SYNE2: variants seen among roughly 807,000 people sequenced by gnomAD.
SYNE2 encodes the protein nesprin-2.
A neutral mutation model predicts 856.3 loss-of-function variants in SYNE2; 431 were observed. The observed-to-expected ratio is 0.50, with a 90% confidence interval of 0.47 to 0.55. The LOEUF (loss-of-function observed/expected upper bound fraction) is 0.55. Ranked by LOEUF, SYNE2 falls within the 20% of genes least tolerant of loss-of-function variation. The pLI, the probability that SYNE2 is intolerant of heterozygous loss-of-function variation, is 0.00. For missense variants in SYNE2, 8,129 were observed against 8,023.2 expected, an observed-to-expected ratio of 1.01 and a Z score of -0.50; for synonymous variants, 2,923 against 2,872.3, an observed-to-expected ratio of 1.02 and a Z score of -0.56.
rs569031414 is a variant in SYNE2, at chr14:63,892,710, T to G, written c.-51-16388T>G. Among the ~76,000 whole-genome samples, 222 of 147,884 alleles carry G rather than the reference T, an allele frequency of 1.5e-3. 1 individual carries two copies. In the Middle Eastern group the frequency reaches 0.021, roughly 14 times the overall value. ...TTTTTATTTGTGTGTGTGTAAAAAATAAATCCTTGGTGTACTTTCTTTTTT... is the reference window on the plus strand; with the variant it reads ...TTTTTATTTGTGTGTGTGTAAAAAAGAAATCCTTGGTGTACTTTCTTTTTT... On this transcript the variant is annotated intron_variant, in intron 1 of 115. Transcript: ENST00000555002.
At chr14:64,059,201 A>G (rs2097297095) in intron 49 of SYNE2, among the ~76,000 whole-genome samples, 1 of 152,082 alleles carries the variant, frequency 6.6e-6, no homozygotes, top group Non-Finnish European at 1.5e-5. Context: ...TCATGTTTTC[A>G]TGGATGGTCT....
At chr14:63,981,253 T>C (rs1053814053) in intron 16 of SYNE2, 80 bp downstream of exon 16, 4 of 1,274,856 alleles carry the variant, frequency 3.1e-6, no homozygotes, top group African/African-American at 2.9e-5. Flanking sequence ...AATCCAAAGA[T>C]GAGAAAACAG....
rs763503726 is a variant in SYNE2 at position 63,954,755 on chromosome 14, T to C, written c.627T>C (p.Ser209=). 6.8e-6 allele frequency: 11 copies of C among 1,614,064 alleles called. No individual in the cohort carries two copies. Among genetic ancestry groups the C allele is most frequent in the Non-Finnish European group, 8.5e-6 (10 of 1,179,988 alleles). The change falls in exon 8 of 116, where the codon AGT becomes AGC. Residue 209 remains serine (S), a synonymous_variant. Transcript: ENST00000555002. ...ESVNVTDFKS[S]WRNGMAFLAI... is the part of the protein sequence containing the mutation. ...TCAATGTGACCGATTTTAAGTCAAG[T>C]TGGAGAAATGGGATGGCTTTTTTGG...
chr14:64,048,026 A>G lies in SYNE2; in HGVS notation c.7248A>G (p.Ser2416=), dbSNP rs1440802099. 3.1e-6 allele frequency: 5 copies of G among 1,613,844 alleles called. No homozygotes were observed. The Admixed American group carries it at 8.3e-5, about 27-fold the overall frequency. The change falls in exon 46 of 116, where the codon TCA becomes TCG. Residue 2416 remains serine (S), a synonymous_variant. Coordinates refer to ENST00000555002, the MANE Select transcript of SYNE2 (RefSeq NM_182914.3). Reference sequence around the variant, plus strand: ...ATTCAGCTGTGGAAATGGCTATGTCAAAACAACTTTCTCTTAATGCTCAAG... The same window carrying G: ...ATTCAGCTGTGGAAATGGCTATGTCGAAACAACTTTCTCTTAATGCTCAAG... ...NKDSAVEMAM[S]KQLSLNAQES... is the part of the protein sequence containing the mutation.
intron 11 of SYNE2, among the ~76,000 whole-genome samples, chr14:63,972,265 T>G (rs2096485421): frequency 6.6e-6 from 1 of 152,222 alleles, no homozygotes; most frequent in Admixed American, 6.5e-5. Context: ...ATTGTCTATA[T>G]AGCTCAGGCT....
At chr14:64,183,986 GGGGAGA>G (rs2098475555) in intron 96 of SYNE2, among the ~76,000 whole-genome samples, 1 of 146,206 alleles carries the variant, frequency 6.8e-6, no homozygotes, top group Non-Finnish European at 1.5e-5. Context: ...GGGAGGGGAG[GGGGAGA>G]GGGAGAGGGA....
intron 99 of SYNE2, among the ~76,000 whole-genome samples, chr14:64,193,340 G>A (rs117954149): frequency 0.052 from 7,896 of 152,168 alleles, 281 homozygotes; most frequent in Non-Finnish European, 0.072. Context: ...ACCTGCAGTC[G>A]GGAGTTTGAG....
At chr14:64,100,271 A>G (rs973133663) in intron 63 of SYNE2, 1 of 151,838 alleles carries the variant, frequency 6.6e-6, no homozygotes. Flanking sequence ...ATAGGTGGGA[A>G]TTGAACAATG....
At chr14:63,815,243 T>G (rs149003319) in intron 1 of SYNE2, among the ~76,000 whole-genome samples, 4,820 of 139,152 alleles carry the variant, frequency 0.035, 587 homozygotes, top group East Asian at 0.24. Context: ...TATATATGGA[T>G]ATATATATAT....
chr14:63,875,321 C>T (rs2094690027), intron 1 of SYNE2, among the ~76,000 whole-genome samples: 2 of 152,148 alleles, frequency 1.3e-5, no homozygotes, highest in South Asian at 4.1e-4. Flanking sequence ...AGATAAAAAT[C>T]AAAGACCAGA....
chr14:63,779,714 C>T (rs934423517), intron 1 of SYNE2, among the ~76,000 whole-genome samples: 1 of 152,102 alleles, frequency 6.6e-6, no homozygotes, highest in Non-Finnish European at 1.5e-5. Context: ...GAGTTCGAGA[C>T]CAACCTGGCC....
chr14:64,213,795 T>C (rs2098653501), intron 105 of SYNE2, among the ~76,000 whole-genome samples: 1 of 152,206 alleles, frequency 6.6e-6, no homozygotes, highest in African/African-American at 2.4e-5. Flanking sequence ...CTGGTGCATC[T>C]GGTTGAAGTT....
At chr14:63,791,576 A>G (rs1216792528) in intron 1 of SYNE2, among the ~76,000 whole-genome samples, 1 of 152,208 alleles carries the variant, frequency 6.6e-6, no homozygotes, top group African/African-American at 2.4e-5. Context: ...AGAACTAGTT[A>G]GCATTAGCCT....
chr14:64,085,101 C>A, intron 57 of SYNE2: 2 of 685,024 alleles, frequency 2.9e-6, no homozygotes, highest in Non-Finnish European at 5.3e-6. Context: ...GAGACAGGGT[C>A]TTGCTCTGTC....
intron 99 of SYNE2, among the ~76,000 whole-genome samples, chr14:64,194,804 C>T (rs190154002): frequency 1.3e-4 from 20 of 152,314 alleles, no homozygotes; most frequent in East Asian, 3.9e-4. Context: ...ACAGCCAGCA[C>T]GGGCCAAAGC....
chr14:63,816,087 T>C (rs1166322248), intron 1 of SYNE2, among the ~76,000 whole-genome samples: 3 of 151,976 alleles, frequency 2.0e-5, no homozygotes, highest in Non-Finnish European at 4.4e-5. Flanking sequence ...TAGATGGGAT[T>C]ACAGGCAGGT....
intron 75 of SYNE2, 42 bp from the exon 76 acceptor site, chr14:64,130,006 T>TTGGATGAAAATGCATGTGTGCACCTGC (rs1415647217): frequency 1.3e-5 from 21 of 1,613,302 alleles, no homozygotes; most frequent in Non-Finnish European, 1.8e-5. Flanking sequence ...ATTGCCCCGG[T>TTGGATGAAAATGCATGTGTGCACCTGC]TGGATGAAAA....
At position 63,827,625 on chromosome 14, in the gene SYNE2, C is replaced by CAAAAAAAAAAAAAAAAAAAAAAAAAAAAA; in HGVS notation, c.-304-24873_-304-24845dup. Among the ~76,000 whole-genome samples the CAAAAAAAAAAAAAAAAAAAAAAAAAAAAA allele has an allele frequency of 2.5e-3, 70 of 28,394 alleles. 1 individual carries two copies. Among genetic ancestry groups the CAAAAAAAAAAAAAAAAAAAAAAAAAAAAA allele is most frequent in the Non-Finnish European group, 3.0e-3 (48 of 15,872 alleles). The allele number at this position is 28,394 out of a possible 152,430, so 18.6% of individuals were successfully genotyped here. A position where few individuals can be genotyped will look rare whatever the true frequency, so the allele number is the denominator to read the frequency against. Reference sequence around the variant, plus strand: ...GGGCAACAAGATTGAAACTCTGTCTCAAAAAAAAAAAAAAAAAAAAAAAAA... The same window carrying CAAAAAAAAAAAAAAAAAAAAAAAAAAAAA: ...GGGCAACAAGATTGAAACTCTGTCTCAAAAAAAAAAAAAAAAAAAAAAAAAAAAAAAAAAAAAAAAAAAAAAAAAAAAAA... On this transcript the variant is annotated intron_variant, in intron 1 of 23. Coordinates refer to the SYNE2 transcript ENST00000674003.
intron 83 of SYNE2, among the ~76,000 whole-genome samples, chr14:64,145,084 G>C (rs909497070): frequency 4.0e-5 from 6 of 151,612 alleles, no homozygotes; most frequent in African/African-American, 1.5e-4. Context: ...CTGCCGCCAC[G>C]CCTAGCTAAT....
Sources: gnomAD v4.1 joint callset for allele counts (sites outside exome capture counted in the v4.1 genomes callset) on GRCh38, gnomAD v4.1.1 for gene constraint, MANE v1.5 for transcripts, NCBI Gene and HGNC (gene_info 2026-07-23, HGNC 2026-07-21) for gene names.